COL1A1: variants seen among roughly 807,000 people sequenced by gnomAD.
COL1A1 encodes collagen alpha-1(I) chain.
A neutral mutation model predicts 195.7 loss-of-function variants in COL1A1; 21 were observed. That is an observed-to-expected ratio of 0.11 (90% CI 0.08 to 0.15). The LOEUF (loss-of-function observed/expected upper bound fraction) is 0.15. Among genes scored for constraint, COL1A1 ranks in the 10% least tolerant of loss-of-function variants. The pLI, the probability that COL1A1 is intolerant of heterozygous loss-of-function variation, is 1.00. For missense variants in COL1A1, 1,365 were observed against 2,051.0 expected (o/e 0.67, Z 6.46); for synonymous variants, 749 against 747.3 (o/e 1.00, Z -0.04).
At chr17:50,200,294 A>G (rs1353829262) in intron 1 of COL1A1, 4 of 385,284 alleles carry the variant, frequency 1.0e-5, no homozygotes, top group African/African-American at 4.2e-5. Context: ...GAGGGGCCCC[A>G]TCGGGAGGGC....
Position 50,194,268 on chromosome 17 carries a change from C to T in COL1A1, c.1614+81G>A, listed in dbSNP as rs1907364173. ...GACTCCAGAGGGCAGACCCTTGGGC[C>T]TGATCCAGAACGCCTCATCCCAGAC... On this transcript the variant is annotated intron_variant, in intron 23 of 50. Transcript: ENST00000225964. This position sits in a 1 kb window ranked among gnomAD's most constrained non-coding sequence, Gnocchi z 6.8. 2.5e-6 allele frequency: 4 copies of T among 1,599,958 alleles called. No individual in the cohort carries two copies. Among genetic ancestry groups the T allele is most frequent in the Non-Finnish European group, 2.6e-6 (3 of 1,168,224 alleles).
At position 50,189,246 on chromosome 17, in the gene COL1A1, A is replaced by T; in HGVS notation, c.2859T>A (p.Gly953=). Residue 953 remains glycine, a synonymous_variant, in exon 40 of 51, where the codon GGT becomes GGA. Coordinates refer to ENST00000225964, the MANE Select transcript of COL1A1 (RefSeq NM_000088.4). The surrounding 1 kb of genome is among the most constrained non-coding windows in gnomAD (Gnocchi z 5.5). ...CGACCACACCACGCTGTCCAGCAAT[A>T]CCTTGAGGCCCGGGAGTACCAGGAG... ...AGAPGTPGPQ[G]IAGQRGVVGL... 1.2e-6 allele frequency: 2 copies of T among 1,613,748 alleles called. No individual in the cohort carries two copies. The highest frequency in any genetic ancestry group is 1.7e-6 in the Non-Finnish European group (2 of 1,179,910).
Position 50,199,335 on chromosome 17 carries a change from G to A in COL1A1, c.370-8C>T. On this transcript the variant is annotated splice_region_variant and splice_polypyrimidine_tract_variant and intron_variant, in intron 4 of 50. Coordinates refer to ENST00000225964, the MANE Select transcript of COL1A1 (RefSeq NM_000088.4). The stretch of plus-strand genomic sequence containing the variant: ...AGGGGGGCCTGCGGGTCCCTGCAGG[G>A]GGAGAGGGCGGGGCCGGGGTGAGCG... The A allele has an allele frequency of 6.4e-7, 1 of 1,574,288 alleles. No individual in the cohort carries two copies. The highest frequency in any genetic ancestry group is 1.2e-5 in the South Asian group (1 of 86,632).
At position 50,190,166 on chromosome 17, in the gene COL1A1, G is replaced by C. The variant is rs1432345144; in HGVS notation, c.2452-58C>G. On this transcript the variant is annotated intron_variant, in intron 35 of 50. Coordinates refer to ENST00000225964, the MANE Select transcript of COL1A1 (RefSeq NM_000088.4). The surrounding 1 kb of genome is among the most constrained non-coding windows in gnomAD (Gnocchi z 4.7). The stretch of plus-strand genomic sequence containing the variant: ...AAGGAGGCAGGAGTTTCCACTACCT[G>C]GGGGAGGAGCAGTAATGGAGGCAGG... 3.5e-6 allele frequency: 5 copies of C among 1,433,574 alleles called. No individual in the cohort carries two copies. In the Admixed American group the frequency reaches 8.4e-5, roughly 24 times the overall value. 88.8% of individuals were successfully genotyped at this position (1,433,574 alleles called of 1,614,324 possible). A position where few individuals can be genotyped will look rare whatever the true frequency, so the allele number is the denominator to read the frequency against.
At chr17:50,196,886 C>G (rs1178403755) in intron 11 of COL1A1, 124 bp downstream of exon 11, 1 of 1,215,286 alleles carries the variant, frequency 8.2e-7, no homozygotes, top group African/African-American at 1.5e-5. Context: ...CACTCTCTGT[C>G]CCTTGGGACT....
Position 50,199,698 on chromosome 17 carries a change from AGCCCCAGGCCCCAG to A in COL1A1, c.298+41_298+54del, listed in dbSNP as rs150854949. 5,056 of 1,595,116 alleles carry A rather than the reference AGCCCCAGGCCCCAG, an allele frequency of 3.2e-3. 23 individuals are homozygous for A. The highest frequency in any genetic ancestry group is 3.0e-3 in the Non-Finnish European group (3,484 of 1,172,338). On this transcript the variant is annotated intron_variant, in intron 2 of 50. Coordinates refer to ENST00000225964, the MANE Select transcript of COL1A1 (RefSeq NM_000088.4). ...GCGAGCGCCGACCACCCCCAGCCCC[AGCCCCAGGCCCCAG>A]GCCCCAGGCCCCAGGCCCCAGGCCC...
At chr17:50,192,720 G>T in intron 27 of COL1A1, 27 bp from the exon 28 acceptor site, 1 of 1,614,040 alleles carries the variant, frequency 6.2e-7, no homozygotes, top group Non-Finnish European at 8.5e-7. Flanking sequence ...CTACAGTCAC[G>T]GGGAGGCCGA....
At position 50,190,259 on chromosome 17, in the gene COL1A1, CT is replaced by C. The variant is rs1377864239; in HGVS notation, c.2451+67del. On this transcript the variant is annotated intron_variant, in intron 35 of 50. Transcript: ENST00000225964. This position sits in a 1 kb window ranked among gnomAD's most constrained non-coding sequence, Gnocchi z 4.7. ...CCTGAGGATGGCTGACGCCTTTGTC[CT>C]CATTCCGTCCCTCGAGGTCCCAGGT... is the stretch of plus-strand genomic sequence containing the variant. The C allele has an allele frequency of 7.5e-7, 1 of 1,334,384 alleles. No individual in the cohort carries two copies. Among genetic ancestry groups the C allele is most frequent in the African/African-American group, 1.4e-5 (1 of 69,772 alleles). 82.7% of individuals were successfully genotyped at this position (1,334,384 alleles called of 1,614,324 possible).
chr17:50,190,300 A>T lies in COL1A1; in HGVS notation c.2451+27T>A, dbSNP rs746163580. The stretch of plus-strand genomic sequence containing the variant: ...AGGTCCCAGGTCCCAGTCGGTGATG[A>T]AAAATGATGGGGGTCTTGGTACTCA... On this transcript the variant is annotated intron_variant, in intron 35 of 50. Coordinates refer to ENST00000225964, the MANE Select transcript of COL1A1 (RefSeq NM_000088.4). This position sits in a 1 kb window ranked among gnomAD's most constrained non-coding sequence, Gnocchi z 4.7. The T allele has an allele frequency of 1.3e-6, 2 of 1,535,664 alleles. No individual in the cohort carries two copies. Among genetic ancestry groups the T allele is most frequent in the Non-Finnish European group, 1.8e-6 (2 of 1,110,166 alleles).
At chr17:50,200,190 G>T (rs765363046) in intron 1 of COL1A1, 4 of 573,674 alleles carry the variant, frequency 7.0e-6, no homozygotes, top group Non-Finnish European at 1.2e-5. Flanking sequence ...GCTTTAGTCC[G>T]CGGTGGCTTC....
At chr17:50,196,224 T>A (rs1907576582) in intron 14 of COL1A1, 25 bp from the exon 15 acceptor site, 1 of 1,613,806 alleles carries the variant, frequency 6.2e-7, no homozygotes, top group Non-Finnish European at 8.5e-7. Flanking sequence ...GGAAGCCCCG[T>A]TAAGTCCACT....
chr17:50,197,476 C>T lies in COL1A1; in HGVS notation c.697-243G>A, dbSNP rs138693721. 1.4e-3 allele frequency among the ~76,000 whole-genome samples: 216 copies of T among 152,316 alleles called. 1 individual carries two copies. The highest frequency in any genetic ancestry group is 4.2e-3 in the African/African-American group (174 of 41,566). The stretch of plus-strand genomic sequence containing the variant: ...ACCAGCATTTTAATTTCACCATCTG[C>T]GCACCAATTTCCCCAAAGGGATGGG... On this transcript the variant is annotated intron_variant, in intron 9 of 50. Coordinates refer to ENST00000225964, the MANE Select transcript of COL1A1 (RefSeq NM_000088.4).
chr17:50,198,569 A>G, intron 5 of COL1A1, 65 bp from the exon 6 acceptor site: 2 of 1,318,192 alleles, frequency 1.5e-6, no homozygotes, highest in Non-Finnish European at 2.2e-6. Context: ...GGCACTGAGG[A>G]TGGAAGAAAC....
intron 1 of COL1A1, among the ~76,000 whole-genome samples, chr17:50,200,726 G>C (rs954485665): frequency 6.6e-6 from 1 of 152,226 alleles, no homozygotes; most frequent in Non-Finnish European, 1.5e-5. Flanking sequence ...TCACCGGCCC[G>C]ACTACCTCTT....
rs367662814 is a variant in COL1A1 at position 50,194,058 on chromosome 17, C to A, written c.1669-17G>T. ...GGCGGGACCCTAAGGATGGGAGGCA[C>A]GAAAGCAGCAGTGAGGACAGCAGGG... On this transcript the variant is annotated splice_polypyrimidine_tract_variant and intron_variant, in intron 24 of 50. Transcript: ENST00000225964. The surrounding 1 kb of genome is among the most constrained non-coding windows in gnomAD (Gnocchi z 6.8). The A allele has an allele frequency of 1.2e-6, 2 of 1,612,496 alleles. No homozygotes were observed. Among genetic ancestry groups the A allele is most frequent in the Non-Finnish European group, 1.7e-6 (2 of 1,179,180 alleles).
Position 50,188,367 on chromosome 17 carries a change from C to A in COL1A1, c.3207+163G>T, listed in dbSNP as rs28574643. On this transcript the variant is annotated intron_variant, in intron 43 of 50. Transcript: ENST00000225964. This position sits in a 1 kb window ranked among gnomAD's most constrained non-coding sequence, Gnocchi z 5.6. ...CCTGTCTGGGAGAGGGGACTTGGGG[C>A]TGAGCTTTAACTCAGTTTTTTGGAT... The A allele has an allele frequency of 0.15, 127,369 of 845,190 alleles. 10,056 individuals carry two copies. The highest frequency in any genetic ancestry group is 0.21 in the African/African-American group (12,170 of 59,032). 52.4% of individuals were successfully genotyped at this position (845,190 alleles called of 1,614,324 possible). A position where few individuals can be genotyped will look rare whatever the true frequency, so the allele number is the denominator to read the frequency against.
Position 50,201,583 on chromosome 17 carries a change from A to T in COL1A1, c.-70T>A. On this transcript the variant is annotated 5_prime_UTR_variant, in exon 1 of 51. Coordinates refer to ENST00000225964, the MANE Select transcript of COL1A1 (RefSeq NM_000088.4). ...TTAGCGTCCGCTCATGCGTGGCCTC[A>T]CACTCCGCGTGCCTCCTGCTCCGAC... 1 of 1,401,344 alleles carries T rather than the reference A, an allele frequency of 7.1e-7. No homozygotes were observed. Among genetic ancestry groups the T allele is most frequent in the Non-Finnish European group, 9.7e-7 (1 of 1,029,656 alleles). 86.8% of individuals were successfully genotyped at this position (1,401,344 alleles called of 1,614,324 possible). A position where few individuals can be genotyped will look rare whatever the true frequency, so the allele number is the denominator to read the frequency against.
At chr17:50,198,623 A>C in intron 5 of COL1A1, 119 bp from the exon 6 acceptor site, 1 of 769,096 alleles carries the variant, frequency 1.3e-6, no homozygotes, top group Non-Finnish European at 2.1e-6. Context: ...GAAGAATAAC[A>C]TTGCTTTTAA....
chr17:50,190,659 C>A lies in COL1A1; in HGVS notation c.2344-63G>T. 6.4e-7 allele frequency: 1 copy of A among 1,568,806 alleles called. No homozygotes were observed. Among genetic ancestry groups the A allele is most frequent in the Non-Finnish European group, 8.7e-7 (1 of 1,143,622 alleles). On this transcript the variant is annotated intron_variant, in intron 33 of 50. Coordinates refer to ENST00000225964, the MANE Select transcript of COL1A1 (RefSeq NM_000088.4). The surrounding 1 kb of genome is among the most constrained non-coding windows in gnomAD (Gnocchi z 4.7). The stretch of plus-strand genomic sequence containing the variant: ...CCCCTGAATACTCCTAGTAGATGAC[C>A]CCAGGAGAGCCTCCCCTCCTTCTGG...
Sources: gnomAD v4.1 joint callset for allele counts (sites outside exome capture counted in the v4.1 genomes callset) on GRCh38, gnomAD v4.1.1 for gene constraint, Gnocchi (gnomAD v3.1) non-coding constraint, MANE v1.5 for transcripts, NCBI Gene and HGNC (gene_info 2026-07-23, HGNC 2026-07-21) for gene names.